Variants in SEPTIN14 observed in about 807,000 individuals in gnomAD.
The protein encoded by SEPTIN14 is septin 14.
SEPTIN14 carries 40 observed loss-of-function variants against 53.6 expected under a neutral mutation model. The observed-to-expected ratio is 0.75, with a 90% CI of 0.58 to 0.97. The LOEUF (loss-of-function observed/expected upper bound fraction) is 0.97. Among genes scored for constraint, SEPTIN14 ranks in the 50% least tolerant of loss-of-function variants. The pLI is 0.00. For synonymous variants in SEPTIN14, 138 were observed against 166.8 expected (o/e 0.83, Z 1.33); for missense variants, 471 against 508.2 (o/e 0.93, Z 0.70).
chr7:55,837,109 CTTT>C (rs36026647), intron 5 of SEPTIN14, among the ~76,000 whole-genome samples: 1 of 140,988 alleles, frequency 7.1e-6, no homozygotes, highest in African/African-American at 2.6e-5. Context: ...TACTTTTAAC[CTTT>C]TTTTTTTTTT....
intron 7 of SEPTIN14, among the ~76,000 whole-genome samples, chr7:55,812,431 G>A (rs191008852): frequency 9.9e-5 from 15 of 152,244 alleles, no homozygotes; most frequent in Non-Finnish European, 1.5e-5. Context: ...AGGAAAGTGG[G>A]GAGACTGAGG....
intron 5 of SEPTIN14, among the ~76,000 whole-genome samples, chr7:55,838,172 G>T (rs1584266490): frequency 6.6e-6 from 1 of 152,126 alleles, no homozygotes; most frequent in African/African-American, 2.4e-5. Context: ...TGAAGCCATG[G>T]GGCTTAAGCA....
At chr7:55,860,541 G>A (rs1400760348) in intron 2 of SEPTIN14, among the ~76,000 whole-genome samples, 1 of 152,072 alleles carries the variant, frequency 6.6e-6, no homozygotes, top group Non-Finnish European at 1.5e-5. Context: ...GATTTGAAAT[G>A]TTCCCAAAAC....
At position 55,830,343 on chromosome 7, in the gene SEPTIN14, A is replaced by ATT. The variant is rs1454944685; in HGVS notation, c.720+4081_720+4082insAA. 3.3e-3 allele frequency among the ~76,000 whole-genome samples: 86 copies of ATT among 26,166 alleles called. 1 individual carries two copies. The highest frequency in any genetic ancestry group is 4.5e-3 in the Non-Finnish European group (75 of 16,514). The allele number at this position is 26,166 out of a possible 152,430, so 17.2% of individuals were successfully genotyped here. A position where few individuals can be genotyped will look rare whatever the true frequency, so the allele number is the denominator to read the frequency against. ...ACTGTATATATATATATATATATAT[A>ATT]TATATATTTTTTTTTTTTTTTGAGA... On this transcript the variant is annotated intron_variant, in intron 6 of 9. Coordinates refer to ENST00000388975, the MANE Select transcript of SEPTIN14 (RefSeq NM_207366.3).
At position 55,843,129 on chromosome 7, in the gene SEPTIN14, C is replaced by CT; in HGVS notation, c.372-2dup. 6.4e-7 allele frequency: 1 copy of CT among 1,552,206 alleles called. No individual in the cohort carries two copies. The highest frequency in any genetic ancestry group is 1.2e-5 in the South Asian group (1 of 81,104). Reference sequence around the variant, plus strand: ...TATGTAGTCAACTATTGGTTGGTAGCTAAAAAAAAATTTATACATTTAGCA... The same window carrying CT: ...TATGTAGTCAACTATTGGTTGGTAGCTTAAAAAAAAATTTATACATTTAGCA... On this transcript the variant is annotated splice_acceptor_variant, in intron 4 of 9. Transcript: ENST00000388975. LOFTEE classifies it high-confidence loss of function.
intron 2 of SEPTIN14, chr7:55,850,809 G>C (rs1449341346): frequency 6.6e-6 from 1 of 151,928 alleles, no homozygotes; most frequent in South Asian, 2.1e-4. Flanking sequence ...AGTGGCTCAC[G>C]CCTGTAATCG....
intron 5 of SEPTIN14, among the ~76,000 whole-genome samples, chr7:55,835,934 G>A (rs1307246711): frequency 6.6e-6 from 1 of 151,846 alleles, no homozygotes; most frequent in Non-Finnish European, 1.5e-5. Context: ...GTAGAGACAG[G>A]GTTTCACCAT....
intron 2 of SEPTIN14, among the ~76,000 whole-genome samples, chr7:55,858,243 A>G (rs1180508342): frequency 6.6e-6 from 1 of 152,198 alleles, no homozygotes; most frequent in Non-Finnish European, 1.5e-5. Context: ...GAAGAAGAGA[A>G]AGAGAAGGTC....
At chr7:55,858,128 T>G in intron 2 of SEPTIN14, among the ~76,000 whole-genome samples, 1 of 152,148 alleles carries the variant, frequency 6.6e-6, no homozygotes, top group East Asian at 1.9e-4. Flanking sequence ...AGCACTCTCT[T>G]AGGGCGCTGG....
Position 55,843,026 on chromosome 7 carries a change from G to C in SEPTIN14, c.474C>G (p.Val158=), listed in dbSNP as rs1789341156. 1 of 1,594,468 alleles carries C rather than the reference G, an allele frequency of 6.3e-7. No individual in the cohort carries two copies. The highest frequency in any genetic ancestry group is 8.5e-7 in the Non-Finnish European group (1 of 1,169,752). Residue 158 remains valine (V), a synonymous_variant, in exon 5 of 10, where the codon GTC becomes GTG. Transcript: ENST00000388975. ...RSLFEYHDSR[V]HVCLYFISPT... ...GTGAAATGAAGTAAAGACACACGTG[G>C]ACGCGAGAATCATGGTACTCAAACA...
At chr7:55,816,723 A>C (rs1442021959) in intron 7 of SEPTIN14, among the ~76,000 whole-genome samples, 1 of 152,008 alleles carries the variant, frequency 6.6e-6, no homozygotes, top group Non-Finnish European at 1.5e-5. Flanking sequence ...GCTTGAACCC[A>C]GGAGGCAAAG....
intron 2 of SEPTIN14, among the ~76,000 whole-genome samples, chr7:55,858,979 T>C (rs1452583912): frequency 6.6e-6 from 1 of 151,944 alleles, no homozygotes; most frequent in Non-Finnish European, 1.5e-5. Flanking sequence ...CTACATAAGA[T>C]GTCCAGTTTT....
At chr7:55,801,059 GC>G (rs1385534043) in intron 9 of SEPTIN14, among the ~76,000 whole-genome samples, 3 of 152,140 alleles carry the variant, frequency 2.0e-5, no homozygotes, top group African/African-American at 7.2e-5. Context: ...TACAGCAAAA[GC>G]AGTTTAAGAG....
At chr7:55,819,274 A>G in intron 6 of SEPTIN14, 51 bp from the exon 7 acceptor site, 1 of 1,192,730 alleles carries the variant, frequency 8.4e-7, no homozygotes, top group South Asian at 1.3e-5. Flanking sequence ...ATTAGAGCTT[A>G]CTCTATTACT....
intron 5 of SEPTIN14, among the ~76,000 whole-genome samples, chr7:55,841,992 G>T (rs1003753839): frequency 2.0e-5 from 3 of 152,104 alleles, no homozygotes; most frequent in African/African-American, 7.2e-5. Flanking sequence ...CCAAGATTGT[G>T]CCACTGCACT....
intron 7 of SEPTIN14, among the ~76,000 whole-genome samples, chr7:55,808,305 G>A (rs1788641882): frequency 6.6e-6 from 1 of 152,156 alleles, no homozygotes; most frequent in East Asian, 1.9e-4. Flanking sequence ...AAAAATGTGA[G>A]TGCACATGTC....
At chr7:55,809,772 A>T (rs1788669443) in intron 7 of SEPTIN14, among the ~76,000 whole-genome samples, 1 of 115,556 alleles carries the variant, frequency 8.7e-6, no homozygotes. Flanking sequence ...ATAAAAATTA[A>T]AAAAAAAAAA....
chr7:55,848,607 ATTT>A (rs34269322), intron 2 of SEPTIN14, among the ~76,000 whole-genome samples: 3,991 of 110,328 alleles, frequency 0.036, 173 homozygotes, highest in East Asian at 0.21. Context: ...ACTAACAGAG[ATTT>A]TTTTTTTTTT....
rs374408553 is a variant in SEPTIN14 at position 55,861,959 on chromosome 7, G to A, written c.38C>T (p.Pro13Leu). 5 of 1,580,516 alleles carry A rather than the reference G, an allele frequency of 3.2e-6. No individual in the cohort carries two copies. In the African/African-American group the frequency reaches 6.8e-5, roughly 22 times the overall value. The change falls in exon 2 of 10, where the codon CCT becomes CTT. Residue 13 changes from proline (P) to leucine (L), a missense_variant. By Grantham distance (98) the Pro-to-Leu change is moderately conservative. Coordinates refer to ENST00000388975, the MANE Select transcript of SEPTIN14 (RefSeq NM_207366.3). ...ERTMAMPTQI[P>L]ADGDTQKENN... ...ATACTTAACTGTATCTCCATCAGCA[G>A]GTATTTGTGTGGGCATAGCCATTGT...
Sources: allele counts gnomAD v4.1 joint callset (sites outside exome capture counted in the v4.1 genomes callset), GRCh38; gene constraint gnomAD v4.1.1; transcripts MANE v1.5; gene names NCBI Gene and HGNC (gene_info 2026-07-23, HGNC 2026-07-21).